ATP10D: variants seen among roughly 807,000 people sequenced by gnomAD.
ATP10D encodes the protein phospholipid-transporting ATPase VD.
In ATP10D, 89 loss-of-function variants were observed where a neutral mutation model predicts 144.8. The observed-to-expected ratio is 0.61, with a 90% CI of 0.52 to 0.73. The LOEUF is 0.73. Ranked by LOEUF, ATP10D falls within the 30% of genes least tolerant of loss-of-function variation. The pLI, the probability that ATP10D is intolerant of heterozygous loss-of-function variation, is 0.00. For synonymous variants in ATP10D, 571 were observed against 615.1 expected (o/e 0.93, Z 1.06); for missense variants, 1,603 against 1,714.8 (o/e 0.93, Z 1.15).
chr4:47,493,779 T>C (rs1254633508), intron 1 of ATP10D, among the ~76,000 whole-genome samples: 1 of 151,914 alleles, frequency 6.6e-6, no homozygotes, highest in Non-Finnish European at 1.5e-5. Flanking sequence ...GAGAAACTGG[T>C]GTGATTGTGT....
chr4:47,498,383 G>A (rs149001165), intron 1 of ATP10D, among the ~76,000 whole-genome samples: 3 of 152,296 alleles, frequency 2.0e-5, no homozygotes, highest in East Asian at 3.9e-4. Flanking sequence ...CCAGATATTA[G>A]CAAATGTCCT....
At position 47,557,921 on chromosome 4, in the gene ATP10D, A is replaced by T. The variant is rs763041773; in HGVS notation, c.2082A>T (p.Glu694Asp). 7 of 1,614,178 alleles carry T rather than the reference A, an allele frequency of 4.3e-6. No individual in the cohort carries two copies. Among genetic ancestry groups the T allele is most frequent in the Non-Finnish European group, 5.9e-6 (7 of 1,180,020 alleles). The change falls in exon 12 of 23, where the codon GAA becomes GAT. Residue 694 changes from glutamate (E) to aspartate (D), a missense_variant. Physicochemically the swap from Glu to Asp is conservative, Grantham distance 45. Coordinates refer to ENST00000273859, the MANE Select transcript of ATP10D (RefSeq NM_020453.4). ...CCAGTAGCTCAGCTTGCTGCACAGAAACAGAGAAACAACACGGTGATGCAG... is the reference window on the plus strand; with the variant it reads ...CCAGTAGCTCAGCTTGCTGCACAGATACAGAGAAACAACACGGTGATGCAG... ...QCSSSSACCT[E>D]TEKQHGDAGL... is the part of the protein sequence containing the mutation.
chr4:47,508,097 A>G (rs989404008), intron 1 of ATP10D, among the ~76,000 whole-genome samples: 1 of 152,158 alleles, frequency 6.6e-6, no homozygotes, highest in Non-Finnish European at 1.5e-5. Flanking sequence ...CAGGGGCCCC[A>G]AGTGATTCTT....
At chr4:47,584,969 T>C (rs972952404) in intron 21 of ATP10D, among the ~76,000 whole-genome samples, 4 of 152,004 alleles carry the variant, frequency 2.6e-5, no homozygotes, top group Admixed American at 2.0e-4. Context: ...CCCTAGAAAA[T>C]AAAAGAGATT....
intron 14 of ATP10D, among the ~76,000 whole-genome samples, chr4:47,562,249 G>A (rs1418203803): frequency 6.6e-6 from 1 of 152,132 alleles, no homozygotes; most frequent in South Asian, 2.1e-4. Context: ...TCTGAAAAAT[G>A]TTTGAATTCC....
intron 22 of ATP10D, 48 bp from the exon 23 acceptor site, chr4:47,590,994 A>T: frequency 3.2e-6 from 4 of 1,235,862 alleles, no homozygotes; most frequent in African/African-American, 1.6e-5. Context: ...GGGGTTCTGT[A>T]ATGCATTTGA....
At chr4:47,563,858 A>G in intron 15 of ATP10D, 93 bp downstream of exon 15, 1 of 1,205,322 alleles carries the variant, frequency 8.3e-7, no homozygotes, top group Non-Finnish European at 1.1e-6. Context: ...AAAAAAAACA[A>G]AACAGCAACC....
At chr4:47,511,823 G>T (rs1319663754) in intron 1 of ATP10D, among the ~76,000 whole-genome samples, 1 of 152,196 alleles carries the variant, frequency 6.6e-6, no homozygotes, top group Non-Finnish European at 1.5e-5. Flanking sequence ...GGCTATGGTG[G>T]TAAATGGGGC....
rs1429327323 is a variant in ATP10D at position 47,574,754 on chromosome 4, A to AT, written c.3366+1768dup. ...TTCTAGTGTATCTATGATGACAATA[A>AT]TTTTTTTTTTTAATGAGACACTTTA... On this transcript the variant is annotated intron_variant, in intron 18 of 22. Coordinates refer to ENST00000273859, the MANE Select transcript of ATP10D (RefSeq NM_020453.4). Among the ~76,000 whole-genome samples, 1,156 of 147,662 alleles carry AT rather than the reference A, an allele frequency of 7.8e-3. 10 individuals are homozygous for AT. Among genetic ancestry groups the AT allele is most frequent in the Non-Finnish European group, 0.011 (699 of 66,460 alleles).
intron 7 of ATP10D, 113 bp downstream of exon 7, chr4:47,536,146 T>C: frequency 2.4e-6 from 3 of 1,257,988 alleles, no homozygotes; most frequent in Non-Finnish European, 3.3e-6. Flanking sequence ...TTGTCAGTAG[T>C]GTTTTACCTC....
chr4:47,590,976 T>TGGG lies in ATP10D; in HGVS notation c.3942-57_3942-55dup, dbSNP rs4031826. ...TTTACTTTTTTAATTCGTTAGTATT[T>TGGG]GGGGGGGGGGGTTCTGTAATGCATT... On this transcript the variant is annotated intron_variant, in intron 22 of 22. Coordinates refer to ENST00000273859, the MANE Select transcript of ATP10D (RefSeq NM_020453.4). 3.8e-3 allele frequency: 3,668 copies of TGGG among 954,362 alleles called. 24 individuals carry two copies. The highest frequency in any genetic ancestry group is 0.029 in the East Asian group (923 of 32,200). The allele number at this position is 954,362 out of a possible 1,614,324, so 59.1% of individuals were successfully genotyped here.
At chr4:47,502,720 A>G (rs1048391313) in intron 1 of ATP10D, among the ~76,000 whole-genome samples, 10 of 149,710 alleles carry the variant, frequency 6.7e-5, no homozygotes, top group Non-Finnish European at 1.5e-4. Flanking sequence ...ATATAAATAT[A>G]TAAAAGCTTT....
At chr4:47,534,554 C>T (rs537131719) in intron 5 of ATP10D, among the ~76,000 whole-genome samples, 3 of 152,282 alleles carry the variant, frequency 2.0e-5, no homozygotes, top group Non-Finnish European at 4.4e-5. Context: ...CTCCTTGTCC[C>T]ATTGTAAGAT....
chr4:47,528,585 T>A (rs905229266), intron 5 of ATP10D, among the ~76,000 whole-genome samples: 2 of 151,506 alleles, frequency 1.3e-5, no homozygotes, highest in African/African-American at 4.8e-5. Context: ...ATTTCATTAC[T>A]TCACTGTTGT....
intron 14 of ATP10D, among the ~76,000 whole-genome samples, chr4:47,563,226 T>C (rs1719414670): frequency 6.6e-6 from 1 of 152,156 alleles, no homozygotes; most frequent in Non-Finnish European, 1.5e-5. Context: ...TCTATAATAA[T>C]AAAAATAAAA....
At chr4:47,549,038 G>A (rs1004032343) in intron 10 of ATP10D, among the ~76,000 whole-genome samples, 5 of 152,210 alleles carry the variant, frequency 3.3e-5, no homozygotes, top group Admixed American at 3.3e-4. Context: ...AAGTGAGGAT[G>A]CTAGGCAGGG....
At chr4:47,524,712 T>C (rs1227331161) in intron 4 of ATP10D, among the ~76,000 whole-genome samples, 3 of 152,328 alleles carry the variant, frequency 2.0e-5, no homozygotes, top group Middle Eastern at 3.4e-3. Context: ...TCCTCATCTG[T>C]TAATTAGACC....
chr4:47,591,251 C>T lies in ATP10D; in HGVS notation c.4151C>T (p.Ala1384Val). The stretch of plus-strand genomic sequence containing the variant: ...ATGCCTGGCCCTTCTGCTGTATTTG[C>T]AATGAAGTCAGCAAGTTCCTGTGCT... Reference protein sequence around the residue: ...RPMPGPSAVFAMKSASSCAIE... With the variant: ...RPMPGPSAVFVMKSASSCAIE... Residue 1384 changes from alanine to valine, a missense_variant, in exon 23 of 23, where the codon GCA (alanine) becomes GTA (valine). Transcript: ENST00000273859. The T allele has an allele frequency of 6.2e-7, 1 of 1,613,556 alleles. No individual in the cohort carries two copies.
At chr4:47,587,276 C>G in intron 22 of ATP10D, 70 bp downstream of exon 22, 4 of 1,402,062 alleles carry the variant, frequency 2.9e-6, no homozygotes, top group Non-Finnish European at 3.9e-6. Context: ...AGCAACTACA[C>G]TACTACGAAT....
Sources: allele counts gnomAD v4.1 joint callset (sites outside exome capture counted in the v4.1 genomes callset), GRCh38; gene constraint gnomAD v4.1.1; transcripts MANE v1.5; gene names NCBI Gene and HGNC (gene_info 2026-07-23, HGNC 2026-07-21).